Variants in CLVS1 observed in about 807,000 individuals in gnomAD.
CLVS1 encodes clavesin 1, also known as clavesin-1.
CLVS1 carries 10 observed loss-of-function variants against 33.1 expected under a neutral mutation model. That is an observed-to-expected ratio of 0.30 (90% confidence interval 0.19 to 0.51). The LOEUF (loss-of-function observed/expected upper bound fraction) is 0.51, where lower values mean the gene tolerates loss of function less well. Ranked by LOEUF, CLVS1 falls within the 20% of genes least tolerant of loss-of-function variation. The pLI, the probability that CLVS1 is intolerant of heterozygous loss-of-function variation, is 0.97. For synonymous variants in CLVS1, 163 were observed against 166.1 expected (o/e 0.98, Z 0.14); for missense variants, 343 against 433.4 (o/e 0.79, Z 1.85).
At chr8:61,475,495 G>C (rs1284878304) in intron 5 of CLVS1, among the ~76,000 whole-genome samples, 1 of 152,178 alleles carries the variant, frequency 6.6e-6, no homozygotes, top group Non-Finnish European at 1.5e-5. Flanking sequence ...ATTCTAACTG[G>C]TGTGAGATGG....
At chr8:61,136,112 A>C (rs1312384592) in intron 2 of CLVS1, among the ~76,000 whole-genome samples, 1 of 152,248 alleles carries the variant, frequency 6.6e-6, no homozygotes, top group Non-Finnish European at 1.5e-5. Flanking sequence ...TATTTTTAAT[A>C]GGCCTTCCGA....
intron 2 of CLVS1, among the ~76,000 whole-genome samples, chr8:61,241,931 C>G (rs1044433994): frequency 6.6e-6 from 1 of 151,822 alleles, no homozygotes; most frequent in Non-Finnish European, 1.5e-5. Context: ...TCTGGCTTCA[C>G]AGTTGTTGTT....
intron 2 of CLVS1, among the ~76,000 whole-genome samples, chr8:61,240,061 A>T (rs1808659331): frequency 6.6e-6 from 1 of 152,236 alleles, no homozygotes; most frequent in South Asian, 2.1e-4. Context: ...AATGTAGCCA[A>T]GTCTTTCCAC....
chr8:61,423,142 TC>T (rs1268173723), intron 3 of CLVS1, among the ~76,000 whole-genome samples: 1 of 152,124 alleles, frequency 6.6e-6, no homozygotes, highest in East Asian at 1.9e-4. Flanking sequence ...CTCTGACCCT[TC>T]CTGCCGAGGT....
intron 5 of CLVS1, among the ~76,000 whole-genome samples, chr8:61,489,529 TTTG>T (rs1352142444): frequency 1.3e-5 from 2 of 152,218 alleles, no homozygotes; most frequent in African/African-American, 4.8e-5. Context: ...GATTGATTGA[TTTG>T]TTTTTATTTT....
intron 5 of CLVS1, among the ~76,000 whole-genome samples, chr8:61,495,871 T>C (rs1451246465): frequency 1.3e-5 from 2 of 152,200 alleles, no homozygotes; most frequent in African/African-American, 4.8e-5. Context: ...AGATACAGGA[T>C]AGTGCTAAGG....
At chr8:61,386,823 T>G (rs1814103923) in intron 3 of CLVS1, among the ~76,000 whole-genome samples, 1 of 151,852 alleles carries the variant, frequency 6.6e-6, no homozygotes, top group African/African-American at 2.4e-5. Context: ...CTTAAAATAC[T>G]TTCACAAACA....
intron 1 of CLVS1, among the ~76,000 whole-genome samples, chr8:61,096,698 C>T (rs1238112798): frequency 6.6e-6 from 1 of 152,128 alleles, no homozygotes; most frequent in Non-Finnish European, 1.5e-5. Flanking sequence ...AGTGAGTGAG[C>T]CTGGATCTGT....
chr8:60,978,809 CAAAAAAA>C, the CLVS1 span, among the ~76,000 whole-genome samples: 1 of 22,516 alleles, frequency 4.4e-5, no homozygotes, highest in African/African-American at 1.9e-4. Flanking sequence ...GACTCCATCT[CAAAAAAA>C]AAAAAAAAAA....
At chr8:61,255,420 T>A (rs1344759618) in intron 2 of CLVS1, among the ~76,000 whole-genome samples, 1 of 152,218 alleles carries the variant, frequency 6.6e-6, no homozygotes, top group Non-Finnish European at 1.5e-5. Flanking sequence ...TGCTAAGTGC[T>A]GAGGTTATAG....
chr8:61,403,935 G>A (rs1814874935), intron 3 of CLVS1, among the ~76,000 whole-genome samples: 1 of 151,858 alleles, frequency 6.6e-6, no homozygotes, highest in Non-Finnish European at 1.5e-5. Flanking sequence ...AGGAAATGAA[G>A]TGGGCATTGA....
intron 5 of CLVS1, among the ~76,000 whole-genome samples, chr8:61,469,593 T>C (rs1373327780): frequency 2.0e-5 from 3 of 152,236 alleles, no homozygotes; most frequent in Non-Finnish European, 4.4e-5. Context: ...TCTTTGAGCA[T>C]GTTGTCCTCT....
At chr8:61,165,139 C>G (rs1039228082) in intron 2 of CLVS1, among the ~76,000 whole-genome samples, 3 of 152,218 alleles carry the variant, frequency 2.0e-5, no homozygotes, top group Non-Finnish European at 4.4e-5. Context: ...AATGGCAAGC[C>G]TTTAGCCCCA....
intron 3 of CLVS1, among the ~76,000 whole-genome samples, chr8:61,447,609 T>A (rs1282850970): frequency 6.6e-6 from 1 of 152,054 alleles, no homozygotes; most frequent in Non-Finnish European, 1.5e-5. Context: ...TAGTCTTTTA[T>A]GTTGTCATTT....
intron 2 of CLVS1, among the ~76,000 whole-genome samples, chr8:61,308,462 G>A (rs1012322917): frequency 6.6e-6 from 1 of 152,116 alleles, no homozygotes; most frequent in Non-Finnish European, 1.5e-5. Flanking sequence ...ATGTGCATGC[G>A]CGCCATGAGT....
chr8:61,355,072 C>T (rs771298686), intron 2 of CLVS1, among the ~76,000 whole-genome samples: 8 of 152,280 alleles, frequency 5.3e-5, no homozygotes, highest in Middle Eastern at 3.4e-3. Flanking sequence ...CTCCCACCTA[C>T]GCCCAAAACA....
intron 2 of CLVS1, among the ~76,000 whole-genome samples, chr8:61,163,847 G>A (rs1352077924): frequency 1.3e-5 from 2 of 152,216 alleles, no homozygotes; most frequent in East Asian, 3.8e-4. Flanking sequence ...AGATCTGGAG[G>A]GGTGGAAGTC....
At chr8:61,486,839 C>T (rs935767479) in intron 5 of CLVS1, among the ~76,000 whole-genome samples, 1 of 152,154 alleles carries the variant, frequency 6.6e-6, no homozygotes, top group Non-Finnish European at 1.5e-5. Context: ...TTCATTGTCT[C>T]TATCAGCCCC....
Position 61,085,540 on chromosome 8 carries a change from C to T in CLVS1, c.-243+28310C>T, listed in dbSNP as rs190164986. On this transcript the variant is annotated intron_variant, in intron 1 of 2. Transcript: ENST00000522621. ...AAAAAGCCCCAAGCAAAAGTTCAGG[C>T]AGTTGCACATTTTACTGAGATTTGT... Among the ~76,000 whole-genome samples the T allele has an allele frequency of 3.0e-3, 463 of 152,174 alleles. 1 individual carries two copies. Among genetic ancestry groups the T allele is most frequent in the Non-Finnish European group, 4.0e-3 (273 of 68,010 alleles).
Sources: gnomAD v4.1 joint callset for allele counts (sites outside exome capture counted in the v4.1 genomes callset) on GRCh38, gnomAD v4.1.1 for gene constraint, MANE v1.5 for transcripts, NCBI Gene and HGNC (gene_info 2026-07-23, HGNC 2026-07-21) for gene names.